Variants in TESK2 observed in about 807,000 individuals in gnomAD.
The protein encoded by TESK2 is testis associated actin remodelling kinase 2.
TESK2 carries 39 observed loss-of-function variants against 57.1 expected under a neutral mutation model. The observed-to-expected ratio is 0.68, with a 90% confidence interval of 0.53 to 0.89. TESK2 has a LOEUF of 0.89. Among genes scored for constraint, TESK2 ranks in the 40% least tolerant of loss-of-function variants. The pLI is 0.00. For missense variants in TESK2, 646 were observed against 732.1 expected (o/e 0.88, Z 1.36); for synonymous variants, 249 against 267.9 (o/e 0.93, Z 0.69).
chr1:45,358,509 A>C (rs1274811791), intron 4 of TESK2, among the ~76,000 whole-genome samples: 3 of 152,176 alleles, frequency 2.0e-5, no homozygotes, highest in African/African-American at 7.2e-5. Context: ...TGTATTTATA[A>C]ATAATAATAG....
At chr1:45,435,461 A>T (rs1651158103) in intron 2 of TESK2, among the ~76,000 whole-genome samples, 1 of 146,924 alleles carries the variant, frequency 6.8e-6, no homozygotes, top group South Asian at 2.2e-4. Flanking sequence ...ACAGGGTCTC[A>T]CTATATTACC....
At position 45,403,968 on chromosome 1, in the gene TESK2, C is replaced by T. The variant is rs368332721; in HGVS notation, c.344+17757G>A. Reference sequence around the variant, plus strand: ...AGTGACTTTAAATATGGCCAAAAAGCTTTTTCTTAATCCAGGAAGTTCAAA... The same window carrying T: ...AGTGACTTTAAATATGGCCAAAAAGTTTTTTCTTAATCCAGGAAGTTCAAA... On this transcript the variant is annotated intron_variant, in intron 3 of 10. Transcript: ENST00000372086. Among the ~76,000 whole-genome samples, 5 of 149,954 alleles carry T rather than the reference C, an allele frequency of 3.3e-5. No individual in the cohort carries two copies. In the East Asian group the frequency reaches 7.8e-4, roughly 23 times the overall value.
intron 4 of TESK2, among the ~76,000 whole-genome samples, chr1:45,381,860 C>CTTTT (rs748886310): frequency 9.9e-4 from 91 of 91,830 alleles, no homozygotes; most frequent in East Asian, 1.3e-3. Context: ...CATTCCTATT[C>CTTTT]TTTTTTTTTT....
At position 45,354,270 on chromosome 1, in the gene TESK2, G is replaced by A. The variant is rs1413797681; in HGVS notation, c.540+1033C>T. Among the ~76,000 whole-genome samples the A allele has an allele frequency of 4.6e-5, 7 of 151,920 alleles. No individual in the cohort carries two copies. The East Asian group carries it at 1.4e-3, about 30-fold the overall frequency. ...CCTTAGGAGGCTGAGGTGGGTGACT[G>A]CTTGAGCTCACAAGTTTGAGACCAG... On this transcript the variant is annotated intron_variant, in intron 5 of 10. Coordinates refer to ENST00000372086, the MANE Select transcript of TESK2 (RefSeq NM_007170.3).
At chr1:45,488,267 G>A (rs1342265003) in intron 1 of TESK2, among the ~76,000 whole-genome samples, 1 of 152,032 alleles carries the variant, frequency 6.6e-6, no homozygotes, top group Non-Finnish European at 1.5e-5. Context: ...TTCCATTTAA[G>A]ATTCCCATGG....
chr1:45,453,670 C>T (rs1651963518), intron 2 of TESK2, among the ~76,000 whole-genome samples: 1 of 151,858 alleles, frequency 6.6e-6, no homozygotes, highest in Non-Finnish European at 1.5e-5. Flanking sequence ...CAAAAGGTAA[C>T]AAAAGAAAAA....
intron 3 of TESK2, among the ~76,000 whole-genome samples, chr1:45,402,272 T>C (rs61791368): frequency 0.27 from 40,006 of 150,728 alleles, 5,461 homozygotes; most frequent in East Asian, 0.37. Context: ...TGTGTGCTTG[T>C]AGTCCCAGCT....
chr1:45,356,206 T>TA (rs59524174), intron 4 of TESK2, among the ~76,000 whole-genome samples: 11,730 of 143,804 alleles, frequency 0.082, 1,285 homozygotes, highest in African/African-American at 0.25. Context: ...ATGGCAGAAT[T>TA]AAAAAAAAAA....
intron 2 of TESK2, among the ~76,000 whole-genome samples, chr1:45,436,004 T>C (rs1651193681): frequency 6.6e-6 from 1 of 151,974 alleles, no homozygotes; most frequent in African/African-American, 2.4e-5. Context: ...TTTATACAAA[T>C]ATCATGCTGT....
chr1:45,384,621 T>A (rs867413210), intron 4 of TESK2, among the ~76,000 whole-genome samples: 1 of 139,248 alleles, frequency 7.2e-6, no homozygotes, highest in Non-Finnish European at 1.5e-5. Flanking sequence ...TTTTTTTTTT[T>A]TTTTTGTAGA....
At chr1:45,367,044 G>C (rs78894650) in intron 4 of TESK2, among the ~76,000 whole-genome samples, 10,479 of 152,168 alleles carry the variant, frequency 0.069, 1,257 homozygotes, top group African/African-American at 0.24. Flanking sequence ...TGAGGTGGGA[G>C]GATGGCTTGA....
chr1:45,440,566 A>G (rs927164853), intron 2 of TESK2, among the ~76,000 whole-genome samples: 6 of 151,990 alleles, frequency 3.9e-5, no homozygotes, highest in Admixed American at 1.3e-4. Flanking sequence ...ATATAAAAAA[A>G]TTAGCTGGGC....
chr1:45,461,186 T>G (rs1467309109), intron 1 of TESK2, among the ~76,000 whole-genome samples: 1 of 151,950 alleles, frequency 6.6e-6, no homozygotes, highest in Non-Finnish European at 1.5e-5. Context: ...ACATCAGGAA[T>G]TTTAAAAGCA....
chr1:45,452,178 C>T (rs757046902), intron 2 of TESK2, among the ~76,000 whole-genome samples: 2 of 151,954 alleles, frequency 1.3e-5, no homozygotes, highest in Non-Finnish European at 2.9e-5. Context: ...TCAGGCTGCA[C>T]AAAATTCTTC....
chr1:45,486,779 G>GCACACACACACACACACACACA (rs1557592851), intron 1 of TESK2, among the ~76,000 whole-genome samples: 1 of 38,324 alleles, frequency 2.6e-5, no homozygotes, highest in African/African-American at 1.4e-4. Context: ...TAGCCTCCCA[G>GCACACACACACACACACACACA]CATACACACA....
At chr1:45,377,650 C>G (rs1570666693) in intron 4 of TESK2, among the ~76,000 whole-genome samples, 1 of 149,868 alleles carries the variant, frequency 6.7e-6, no homozygotes, top group East Asian at 2.1e-4. Flanking sequence ...AACTCCTGAC[C>G]TCAGGTAATC....
intron 4 of TESK2, among the ~76,000 whole-genome samples, chr1:45,367,397 G>A (rs575234380): frequency 3.3e-5 from 5 of 149,792 alleles, no homozygotes; most frequent in South Asian, 2.1e-4. Flanking sequence ...TTGGTTCCTC[G>A]TTCTCCTTTT....
At chr1:45,427,490 C>T (rs1213434979) in intron 2 of TESK2, among the ~76,000 whole-genome samples, 2 of 152,080 alleles carry the variant, frequency 1.3e-5, no homozygotes, top group Non-Finnish European at 2.9e-5. Context: ...TCACAATAGC[C>T]AAGATTTGGA....
At chr1:45,472,978 A>G (rs1236725383) in intron 1 of TESK2, among the ~76,000 whole-genome samples, 1 of 151,048 alleles carries the variant, frequency 6.6e-6, no homozygotes, top group Non-Finnish European at 1.5e-5. Flanking sequence ...TCTACTAAAA[A>G]AAAAAAAAAA....
Sources: gnomAD v4.1 joint callset for allele counts (sites outside exome capture counted in the v4.1 genomes callset) on GRCh38, gnomAD v4.1.1 for gene constraint, MANE v1.5 for transcripts, NCBI Gene and HGNC (gene_info 2026-07-23, HGNC 2026-07-21) for gene names.